The following USH1C variants were observed in gnomAD, a reference collection of about 807,000 sequenced individuals.
USH1C encodes the protein USH1 protein network component harmonin.
USH1C carries 90 observed loss-of-function variants against 119.3 expected under a neutral mutation model. The observed-to-expected ratio is 0.75, with a 90% confidence interval of 0.64 to 0.90. The LOEUF is 0.90. Ranked by LOEUF, USH1C falls within the 40% of genes least tolerant of loss-of-function variation. USH1C has a pLI of 0.00. For synonymous variants in USH1C, 465 were observed against 443.3 expected, an observed-to-expected ratio of 1.05 and a Z score of -0.62; for missense variants, 1,165 against 1,167.7, an observed-to-expected ratio of 1.00 and a Z score of 0.03.
At chr11:17,501,841 G>T (rs1195343601) in intron 21 of USH1C, 98 bp downstream of exon 21, 1 of 1,397,864 alleles carries the variant, frequency 7.2e-7, no homozygotes, top group Non-Finnish European at 9.9e-7. Context: ...CTCATCCCAG[G>T]ACCCCAAGGC....
In USH1C at chr11:17,501,922, G is replaced by C; in HGVS notation, c.2226+17C>G. ...TTCCTGGGGTTACTTGTCCAGGAGA[G>C]AAGCGTCATCTCTTACCATAGAGTA... On this transcript the variant is annotated intron_variant, in intron 21 of 26. Coordinates refer to ENST00000005226, the MANE Select transcript of USH1C (RefSeq NM_153676.4). The C allele has an allele frequency of 6.2e-7, 1 of 1,613,358 alleles. No homozygotes were observed.
At chr11:17,529,793 G>C (rs1427683098) in intron 4 of USH1C, among the ~76,000 whole-genome samples, 1 of 152,200 alleles carries the variant, frequency 6.6e-6, no homozygotes, top group African/African-American at 2.4e-5. Context: ...TAGAGAAAGG[G>C]CCGATAATTC....
chr11:17,503,230 A>G (rs1281915242), intron 20 of USH1C, among the ~76,000 whole-genome samples: 2 of 152,134 alleles, frequency 1.3e-5, no homozygotes, highest in Non-Finnish European at 1.5e-5. Flanking sequence ...AAGAAGGATC[A>G]TTGGGCAGGA....
chr11:17,525,275 C>A (rs535953732), intron 8 of USH1C, among the ~76,000 whole-genome samples: 30 of 152,316 alleles, frequency 2.0e-4, no homozygotes, highest in African/African-American at 7.0e-4. Flanking sequence ...GTTCGAGTCC[C>A]TATCACCCTA....
rs112598294 is a variant in USH1C, at chr11:17,516,360, G to A, written c.1211-70C>T. 8.5e-5 allele frequency: 127 copies of A among 1,494,522 alleles called. No homozygotes were observed. The African/African-American group carries it at 1.4e-3, about 17-fold the overall frequency. The allele number at this position is 1,494,522 out of a possible 1,614,324, so 92.6% of individuals were successfully genotyped here. On this transcript the variant is annotated intron_variant, in intron 14 of 26. Coordinates refer to ENST00000005226, the MANE Select transcript of USH1C (RefSeq NM_153676.4). Reference sequence around the variant, plus strand: ...GCCAGAGCATCCATGGGCAGCAGATGGGAGCTGGGTTCCCAAGGAATGCAT... The same window carrying A: ...GCCAGAGCATCCATGGGCAGCAGATAGGAGCTGGGTTCCCAAGGAATGCAT...
intron 23 of USH1C, 61 bp downstream of exon 23, chr11:17,500,990 G>GT: frequency 6.9e-7 from 1 of 1,457,006 alleles, no homozygotes; most frequent in Non-Finnish European, 9.5e-7. Flanking sequence ...TTGCTTTCCG[G>GT]GAGGGCCCCG....
At chr11:17,513,424 T>C (rs1849989392) in intron 15 of USH1C, among the ~76,000 whole-genome samples, 1 of 151,996 alleles carries the variant, frequency 6.6e-6, no homozygotes, top group Admixed American at 6.6e-5. Flanking sequence ...GGAATTGAGC[T>C]CCCTAGCAAT....
chr11:17,525,194 A>C (rs1386205122), intron 8 of USH1C, among the ~76,000 whole-genome samples: 1 of 152,060 alleles, frequency 6.6e-6, no homozygotes, highest in East Asian at 1.9e-4. Flanking sequence ...TCAAAGCAGC[A>C]CTCCAGGGAG....
At chr11:17,523,730 T>A (rs1409584063) in intron 9 of USH1C, among the ~76,000 whole-genome samples, 2 of 152,262 alleles carry the variant, frequency 1.3e-5, no homozygotes, top group Non-Finnish European at 2.9e-5. Flanking sequence ...CATGTTCATT[T>A]CTTTGGCTAA....
chr11:17,501,574 T>A (rs201211922), intron 21 of USH1C, 39 bp from the exon 22 acceptor site: 18 of 1,597,660 alleles, frequency 1.1e-5, no homozygotes, highest in Non-Finnish European at 1.5e-5. Flanking sequence ...TGAGCTGGCC[T>A]GAAGGATGGC....
At chr11:17,525,604 G>A (rs1850633001) in intron 8 of USH1C, among the ~76,000 whole-genome samples, 1 of 152,194 alleles carries the variant, frequency 6.6e-6, no homozygotes, top group Non-Finnish European at 1.5e-5. Flanking sequence ...GGAAAGCAGG[G>A]CTGGAACTGG....
At chr11:17,537,561 T>C (rs1044407423) in intron 1 of USH1C, among the ~76,000 whole-genome samples, 1 of 152,306 alleles carries the variant, frequency 6.6e-6, no homozygotes, top group East Asian at 1.9e-4. Flanking sequence ...TCAGCACATA[T>C]ATTCTGGGTC....
chr11:17,506,037 A>G (rs1849636429), intron 18 of USH1C, 88 bp from the exon 19 acceptor site: 9 of 1,590,206 alleles, frequency 5.7e-6, no homozygotes, highest in Non-Finnish European at 7.7e-6. Flanking sequence ...ATGCAAATCT[A>G]CACCCATGCA....
chr11:17,495,595 C>T lies in USH1C; in HGVS notation c.2629G>A (p.Gly877Arg), dbSNP rs768078827. The T allele has an allele frequency of 1.6e-5, 26 of 1,614,180 alleles. No individual in the cohort carries two copies. The highest frequency in any genetic ancestry group is 2.2e-5 in the South Asian group (2 of 91,080). ...LEDRAAVHRH[G>R]FLLQLEPTDL... ...GTGGGCTCCAGCTGCAGGAGGAACC[C>T]GTGTCTGTGCACGGCAGCACGGTCT... Residue 877 changes from glycine (G) to arginine (R), a missense_variant, in exon 26 of 27, where the codon GGG (glycine) becomes AGG (arginine). Transcript: ENST00000005226.
intron 1 of USH1C, among the ~76,000 whole-genome samples, chr11:17,540,742 A>G (rs1355999105): frequency 2.0e-5 from 3 of 152,200 alleles, no homozygotes; most frequent in African/African-American, 7.2e-5. Context: ...TGTATCCTGA[A>G]TCCGACCCAT....
intron 1 of USH1C, among the ~76,000 whole-genome samples, chr11:17,540,757 AC>A (rs1018600110): frequency 6.6e-6 from 1 of 151,862 alleles, no homozygotes; most frequent in Non-Finnish European, 1.5e-5. Context: ...ACCCATTCTC[AC>A]CCGAGTCCGA....
chr11:17,530,447 A>T lies in USH1C; in HGVS notation c.387+707T>A, dbSNP rs182770160. Among the ~76,000 whole-genome samples the T allele has an allele frequency of 6.8e-4, 104 of 152,360 alleles. 1 individual carries two copies. The highest frequency in any genetic ancestry group is 2.3e-3 in the African/African-American group (95 of 41,584). ...GCCTCTGAGCCTCTATTAATTCTGT[A>T]AAATGGGCACGATCCGTTCAATGCA... is the stretch of plus-strand genomic sequence containing the variant. On this transcript the variant is annotated intron_variant, in intron 4 of 26. Coordinates refer to ENST00000005226, the MANE Select transcript of USH1C (RefSeq NM_153676.4).
chr11:17,535,708 T>A (rs931594891), intron 1 of USH1C, among the ~76,000 whole-genome samples: 13 of 152,258 alleles, frequency 8.5e-5, no homozygotes, highest in African/African-American at 3.1e-4. Context: ...AGGGAAATGA[T>A]GTTGTCCCCA....
intron 1 of USH1C, 52 bp from the exon 2 acceptor site, chr11:17,533,374 TAGCAGACCTCAGGGAGGA>T: frequency 7.9e-7 from 1 of 1,269,664 alleles, no homozygotes; most frequent in Non-Finnish European, 1.1e-6. Flanking sequence ...CCCGCCCCCA[TAGCAGACCTCAGGGAGGA>T]GAGGTCATCC....
Sources: allele counts gnomAD v4.1 joint callset (sites outside exome capture counted in the v4.1 genomes callset), GRCh38; gene constraint gnomAD v4.1.1; transcripts MANE v1.5; gene names NCBI Gene and HGNC (gene_info 2026-07-23, HGNC 2026-07-21).